KIAA1217: variants seen among roughly 807,000 people sequenced by gnomAD.
KIAA1217 encodes the protein KIAA1217.
Under a neutral mutation model 163.9 loss-of-function variants are expected in KIAA1217, and 88 were observed. That is an observed-to-expected ratio of 0.54 (90% CI 0.45 to 0.64). The LOEUF (loss-of-function observed/expected upper bound fraction) is 0.64, where lower values mean the gene tolerates loss of function less well. Among genes scored for constraint, KIAA1217 ranks in the 30% least tolerant of loss-of-function variants. The pLI is 0.00. For missense variants in KIAA1217, 2,372 were observed against 2,475.0 expected, an observed-to-expected ratio of 0.96 and a Z score of 0.88; for synonymous variants, 903 against 923.1, an observed-to-expected ratio of 0.98 and a Z score of 0.39.
intron 1 of KIAA1217, among the ~76,000 whole-genome samples, chr10:23,738,839 C>T (rs751824869): frequency 9.9e-5 from 15 of 152,052 alleles, no homozygotes; most frequent in Non-Finnish European, 1.8e-4. Flanking sequence ...CAAAAAAAGT[C>T]CCTACTTTCA....
chr10:23,873,014 AG>A (rs1840534403), intron 1 of KIAA1217, among the ~76,000 whole-genome samples: 2 of 152,182 alleles, frequency 1.3e-5, no homozygotes, highest in South Asian at 4.1e-4. Context: ...TCTGTTAAAA[AG>A]CTCTTGCATT....
chr10:24,407,793 T>C (rs990309246), intron 3 of KIAA1217, among the ~76,000 whole-genome samples: 5 of 152,180 alleles, frequency 3.3e-5, no homozygotes, highest in African/African-American at 1.2e-4. Context: ...GCCATGGTCA[T>C]GAAGAGTGGC....
chr10:23,873,100 A>G (rs1431225939), intron 1 of KIAA1217, among the ~76,000 whole-genome samples: 1 of 152,098 alleles, frequency 6.6e-6, no homozygotes, highest in Non-Finnish European at 1.5e-5. Flanking sequence ...TAGAAGCAGG[A>G]TATTCTGATA....
At chr10:23,776,841 C>A (rs374621204) in intron 1 of KIAA1217, among the ~76,000 whole-genome samples, 1 of 151,722 alleles carries the variant, frequency 6.6e-6, no homozygotes, top group Non-Finnish European at 1.5e-5. Flanking sequence ...CCACCACACC[C>A]GGCTAATTTT....
chr10:23,885,083 C>T (rs1189259879), intron 1 of KIAA1217, among the ~76,000 whole-genome samples: 1 of 151,874 alleles, frequency 6.6e-6, no homozygotes, highest in Non-Finnish European at 1.5e-5. Context: ...AGCCAAAGAA[C>T]AGAATAAACA....
intron 1 of KIAA1217, among the ~76,000 whole-genome samples, chr10:23,769,562 T>G (rs1013531554): frequency 6.6e-6 from 1 of 152,216 alleles, no homozygotes; most frequent in Non-Finnish European, 1.5e-5. Flanking sequence ...TTCTAAATTA[T>G]AAACTATAAA....
At chr10:24,402,372 A>T (rs530547196) in intron 3 of KIAA1217, among the ~76,000 whole-genome samples, 1 of 151,806 alleles carries the variant, frequency 6.6e-6, no homozygotes, top group Admixed American at 6.6e-5. Flanking sequence ...AGCCGGGCGT[A>T]TTGGTGGGCG....
chr10:23,907,014 C>T (rs1341695432), intron 1 of KIAA1217, among the ~76,000 whole-genome samples: 2 of 151,956 alleles, frequency 1.3e-5, no homozygotes, highest in African/African-American at 4.8e-5. Context: ...CTTGAGGGTG[C>T]CAGTGTATGT....
intron 3 of KIAA1217, among the ~76,000 whole-genome samples, chr10:24,393,098 G>A (rs1304789061): frequency 6.6e-6 from 1 of 152,114 alleles, no homozygotes; most frequent in African/African-American, 2.4e-5. Context: ...AAATTAAGAC[G>A]CAAGCCAGTT....
chr10:24,240,861 T>A (rs1349591939), intron 2 of KIAA1217, among the ~76,000 whole-genome samples: 5 of 151,256 alleles, frequency 3.3e-5, no homozygotes, highest in Admixed American at 3.3e-4. Flanking sequence ...TAGTCTTTTT[T>A]TTTTTAAAAA....
At chr10:24,467,619 C>T (rs952717288) in intron 5 of KIAA1217, among the ~76,000 whole-genome samples, 1 of 152,106 alleles carries the variant, frequency 6.6e-6, no homozygotes, top group Admixed American at 6.6e-5. Context: ...TTGTTTAAAG[C>T]TTACATTATG....
chr10:23,762,822 A>C (rs1433998988), intron 1 of KIAA1217, among the ~76,000 whole-genome samples: 1 of 152,218 alleles, frequency 6.6e-6, no homozygotes, highest in Non-Finnish European at 1.5e-5. Context: ...AGAGGAAGTC[A>C]AATTATCTCT....
intron 2 of KIAA1217, among the ~76,000 whole-genome samples, chr10:24,095,856 G>A (rs558980678): frequency 1.1e-4 from 16 of 152,246 alleles, no homozygotes; most frequent in East Asian, 1.9e-4. Flanking sequence ...CAATAATCCC[G>A]GCACTTTGGG....
intron 16 of KIAA1217, 69 bp from the exon 17 acceptor site, chr10:24,536,705 C>T: frequency 6.5e-7 from 1 of 1,547,808 alleles, no homozygotes. Flanking sequence ...CTGGTTGTTC[C>T]TGCCTGTTTC....
At chr10:24,461,339 T>TTTTTG (rs369394781) in intron 5 of KIAA1217, among the ~76,000 whole-genome samples, 78 of 152,192 alleles carry the variant, frequency 5.1e-4, no homozygotes, top group South Asian at 1.2e-3. Flanking sequence ...TTTGTTTTTG[T>TTTTTG]TTTTGTTTTG....
At chr10:23,881,045 G>A (rs1486514367) in intron 1 of KIAA1217, among the ~76,000 whole-genome samples, 4 of 151,762 alleles carry the variant, frequency 2.6e-5, no homozygotes, top group African/African-American at 9.7e-5. Context: ...ATACTAGCCT[G>A]GGGGGAAAGT....
At chr10:24,326,202 T>C (rs981588663) in intron 2 of KIAA1217, among the ~76,000 whole-genome samples, 4 of 152,228 alleles carry the variant, frequency 2.6e-5, no homozygotes, top group African/African-American at 9.6e-5. Flanking sequence ...TCTCTATTGA[T>C]ACTGTTAGAT....
At chr10:24,121,835 AT>A (rs1488725553) in intron 2 of KIAA1217, among the ~76,000 whole-genome samples, 2 of 151,972 alleles carry the variant, frequency 1.3e-5, no homozygotes, top group Admixed American at 6.6e-5. Context: ...TTATGGGGGC[AT>A]TTTTAGGTTA....
At chr10:24,116,598 A>G (rs547846629) in intron 2 of KIAA1217, among the ~76,000 whole-genome samples, 22 of 152,258 alleles carry the variant, frequency 1.4e-4, no homozygotes, top group African/African-American at 5.3e-4. Context: ...CCCATGGGCC[A>G]TAGTTTGTGG....
Sources: gnomAD v4.1 joint callset for allele counts (sites outside exome capture counted in the v4.1 genomes callset) on GRCh38, gnomAD v4.1.1 for gene constraint, MANE v1.5 for transcripts, NCBI Gene and HGNC (gene_info 2026-07-23, HGNC 2026-07-21) for gene names.